The following PDZD8 variants were observed in gnomAD, a reference collection of about 807,000 sequenced individuals.
PDZD8 encodes PDZ domain containing 8.
In PDZD8, 14 loss-of-function variants were observed where a neutral mutation model predicts 85.8. The observed-to-expected ratio is 0.16, with a 90% CI of 0.11 to 0.26. PDZD8 has a LOEUF of 0.26. Ranked by LOEUF, PDZD8 falls within the 10% of genes least tolerant of loss-of-function variation. The pLI is 1.00. For missense variants in PDZD8, 1,197 were observed against 1,424.3 expected (o/e 0.84, Z 2.57); for synonymous variants, 592 against 568.6 (o/e 1.04, Z -0.59).
chr10:117,300,952 T>C (rs1484471551), intron 3 of PDZD8, among the ~76,000 whole-genome samples: 3 of 152,200 alleles, frequency 2.0e-5, no homozygotes, highest in South Asian at 2.1e-4. Context: ...ATTTTTGTTA[T>C]AGCAGTCCAA....
rs1565011637 is a variant in PDZD8 at position 117,277,306 on chromosome 10, A to T, written c.*5962T>A. ...AAATCATCAAAGTGTTTAATTGTATAAAACAGTGTTTCCAGTGACACAACT... is the reference window on the plus strand; with the variant it reads ...AAATCATCAAAGTGTTTAATTGTATTAAACAGTGTTTCCAGTGACACAACT... On this transcript the variant is annotated 3_prime_UTR_variant, in exon 5 of 5. Coordinates refer to ENST00000334464, the MANE Select transcript of PDZD8 (RefSeq NM_173791.5). 1 of 1,282,094 alleles carries T rather than the reference A, an allele frequency of 7.8e-7. No individual in the cohort carries two copies. Among genetic ancestry groups the T allele is most frequent in the Admixed American group, 1.8e-5 (1 of 56,898 alleles). The allele number at this position is 1,282,094 out of a possible 1,614,324, so 79.4% of individuals were successfully genotyped here.
chr10:117,353,843 T>G (rs1844848696), intron 1 of PDZD8, among the ~76,000 whole-genome samples: 1 of 152,180 alleles, frequency 6.6e-6, no homozygotes, highest in Non-Finnish European at 1.5e-5. Context: ...TTAGAAAAAT[T>G]GTTCTGTATA....
intron 1 of PDZD8, among the ~76,000 whole-genome samples, chr10:117,372,174 T>C (rs750251016): frequency 5.9e-5 from 9 of 152,326 alleles, no homozygotes; most frequent in Non-Finnish European, 1.2e-4. Flanking sequence ...AGCACAGATG[T>C]GCATACTTCT....
At chr10:117,299,258 C>T (rs1843805697) in intron 3 of PDZD8, among the ~76,000 whole-genome samples, 1 of 152,022 alleles carries the variant, frequency 6.6e-6, no homozygotes, top group South Asian at 2.1e-4. Flanking sequence ...CCTCACAGTC[C>T]ACGGTTGGGT....
intron 3 of PDZD8, among the ~76,000 whole-genome samples, chr10:117,298,439 T>C (rs1018091431): frequency 2.6e-4 from 39 of 152,118 alleles, no homozygotes; most frequent in Non-Finnish European, 4.6e-4. Context: ...TACCAAATTT[T>C]AGACAATGTG....
Position 117,284,816 on chromosome 10 carries a change from C to G in PDZD8, c.1917G>C (p.Val639=). ...GTGCAGCTGCATCGTCTATGGCATC[C>G]ACATTTTTTGCTTGCTTTTCAGCAG... ...DKSAEKQAKN[V]DAIDDAAAPK... is the part of the protein sequence containing the mutation. The change falls in exon 5 of 5, where the codon GTG becomes GTC. Residue 639 remains valine (V), a synonymous_variant. Coordinates refer to ENST00000334464, the MANE Select transcript of PDZD8 (RefSeq NM_173791.5). 1 of 1,614,156 alleles carries G rather than the reference C, an allele frequency of 6.2e-7. No homozygotes were observed. The highest frequency in any genetic ancestry group is 8.5e-7 in the Non-Finnish European group (1 of 1,180,028).
intron 1 of PDZD8, among the ~76,000 whole-genome samples, chr10:117,350,848 A>C (rs1471829534): frequency 6.6e-6 from 1 of 150,990 alleles, no homozygotes; most frequent in Non-Finnish European, 1.5e-5. Flanking sequence ...AGCTTGCAGT[A>C]AGCAGAGATT....
chr10:117,312,315 G>T (rs1265370314), intron 3 of PDZD8, among the ~76,000 whole-genome samples: 1 of 152,094 alleles, frequency 6.6e-6, no homozygotes, highest in East Asian at 1.9e-4. Flanking sequence ...GGAGGGCTGA[G>T]AAATAAATAG....
At chr10:117,343,078 T>C (rs913506367) in intron 1 of PDZD8, among the ~76,000 whole-genome samples, 8 of 151,068 alleles carry the variant, frequency 5.3e-5, no homozygotes, top group Admixed American at 5.3e-4. Flanking sequence ...CCATCATCCA[T>C]ACCTGACGGG....
At chr10:117,373,928 A>G (rs1333361984) in intron 1 of PDZD8, among the ~76,000 whole-genome samples, 1 of 152,210 alleles carries the variant, frequency 6.6e-6, no homozygotes, top group Non-Finnish European at 1.5e-5. Flanking sequence ...TCACGCGTGT[A>G]CTGTGTCCAG....
intron 3 of PDZD8, among the ~76,000 whole-genome samples, chr10:117,307,426 G>C (rs1843962437): frequency 6.6e-6 from 1 of 151,750 alleles, no homozygotes; most frequent in Non-Finnish European, 1.5e-5. Flanking sequence ...TTAAACTTCT[G>C]ACAACACTCT....
intron 3 of PDZD8, among the ~76,000 whole-genome samples, chr10:117,291,631 G>A (rs1589997245): frequency 1.3e-5 from 2 of 151,678 alleles, no homozygotes; most frequent in East Asian, 3.9e-4. Flanking sequence ...GACCATTTGA[G>A]CCCAGGAGTT....
Position 117,290,032 on chromosome 10 carries a change from T to G in PDZD8, c.1261+154A>C, listed in dbSNP as rs1589995943. Among the ~76,000 whole-genome samples, 4 of 152,340 alleles carry G rather than the reference T, an allele frequency of 2.6e-5. No homozygotes were observed. In the East Asian group the frequency reaches 7.7e-4, roughly 29 times the overall value. ...ATGTATTTTGAAGGCCTCCTTTGAA[T>G]TTTTATTTATAATAAAGTTTATTAC... On this transcript the variant is annotated intron_variant, in intron 4 of 4. Coordinates refer to ENST00000334464, the MANE Select transcript of PDZD8 (RefSeq NM_173791.5).
chr10:117,344,292 G>T (rs2429505), intron 1 of PDZD8, among the ~76,000 whole-genome samples: 117,002 of 152,186 alleles, frequency 0.77, 45,641 homozygotes, highest in Non-Finnish European at 0.85. Flanking sequence ...TAAGAAAATC[G>T]ATGACAATTT....
At chr10:117,324,092 GT>G (rs1343502184) in intron 2 of PDZD8, among the ~76,000 whole-genome samples, 3 of 151,296 alleles carry the variant, frequency 2.0e-5, no homozygotes, top group Non-Finnish European at 2.9e-5. Flanking sequence ...GCCAGATGTG[GT>G]AGTGCACACC....
intron 2 of PDZD8, among the ~76,000 whole-genome samples, chr10:117,330,239 T>C (rs953336361): frequency 9.9e-5 from 15 of 151,896 alleles, no homozygotes; most frequent in South Asian, 2.1e-4. Flanking sequence ...AGAACTCAAT[T>C]TTCCTCAATT....
rs754103415 is a variant in PDZD8 at position 117,284,801 on chromosome 10, A to G, written c.1932T>C (p.Asp644=). Residue 644 remains aspartate (D), a synonymous_variant, in exon 5 of 5, where the codon GAT becomes GAC. Transcript: ENST00000334464. The part of the protein sequence containing the change: ...KQAKNVDAID[D]AAAPKQFLAK... ...CTAAAAATTGCTTAGGTGCAGCTGC[A>G]TCGTCTATGGCATCCACATTTTTTG... 1.2e-6 allele frequency: 2 copies of G among 1,614,056 alleles called. No homozygotes were observed. Among genetic ancestry groups the G allele is most frequent in the South Asian group, 1.1e-5 (1 of 91,088 alleles).
At chr10:117,359,741 C>T (rs1844964059) in intron 1 of PDZD8, among the ~76,000 whole-genome samples, 1 of 151,994 alleles carries the variant, frequency 6.6e-6, no homozygotes. Flanking sequence ...AACAAAAAGT[C>T]AGCATGCCAC....
Position 117,284,915 on chromosome 10 carries a change from A to G in PDZD8, c.1818T>C (p.Ala606=). 6.2e-7 allele frequency: 1 copy of G among 1,613,996 alleles called. No individual in the cohort carries two copies. Among genetic ancestry groups the G allele is most frequent in the Non-Finnish European group, 8.5e-7 (1 of 1,179,996 alleles). Residue 606 remains alanine (A), a synonymous_variant, in exon 5 of 5, where the codon GCT becomes GCC. Coordinates refer to ENST00000334464, the MANE Select transcript of PDZD8 (RefSeq NM_173791.5). ...QAKVPLPSAD[A]PNQAEPDVLV... ...GAACATCTGGTTCTGCCTGATTTGG[A>G]GCATCGGCGGAAGGCAAAGGAACTT...
Sources: allele counts gnomAD v4.1 joint callset (sites outside exome capture counted in the v4.1 genomes callset), GRCh38; gene constraint gnomAD v4.1.1; transcripts MANE v1.5; gene names NCBI Gene and HGNC (gene_info 2026-07-23, HGNC 2026-07-21).